Variants in GAK observed in about 807,000 individuals in gnomAD.
The protein encoded by GAK is cyclin-G-associated kinase.
Under a neutral mutation model 143.9 loss-of-function variants are expected in GAK, and 79 were observed. That is an observed-to-expected ratio of 0.55 (90% CI 0.46 to 0.66). The LOEUF (loss-of-function observed/expected upper bound fraction) is 0.66, where lower values mean the gene tolerates loss of function less well. GAK is among the 30% of genes least tolerant of loss of function. The probability of loss-of-function intolerance (pLI) is 0.00; values close to 1 mark genes in which losing one functional copy is unlikely to be tolerated. For missense variants in GAK, 1,693 were observed against 1,779.7 expected (o/e 0.95, Z 0.88); for synonymous variants, 881 against 765.5 (o/e 1.15, Z -2.49).
At chr4:857,023 C>T (rs1288976369) in intron 24 of GAK, among the ~76,000 whole-genome samples, 1 of 152,238 alleles carries the variant, frequency 6.6e-6, no homozygotes, top group African/African-American at 2.4e-5. Context: ...ACTCTTCAGC[C>T]AGTTAATATG....
chr4:874,185 GCTGT>G lies in GAK; in HGVS notation c.2054+2341_2054+2344del, dbSNP rs983641382. On this transcript the variant is annotated intron_variant, in intron 18 of 27. Transcript: ENST00000314167. ...CATGCACACGTGTGTTGGTGCTCCT[GCTGT>G]CTGTGTGTGCGCACGCGCTGGTGCT... Among the ~76,000 whole-genome samples, 26 of 152,002 alleles carry G rather than the reference GCTGT, an allele frequency of 1.7e-4. No homozygotes were observed. The South Asian group carries it at 1.9e-3, about 11-fold the overall frequency.
chr4:882,075 C>A (rs1715244585), intron 14 of GAK, 35 bp from the exon 15 acceptor site: 2 of 1,567,600 alleles, frequency 1.3e-6, no homozygotes, highest in African/African-American at 1.4e-5. Context: ...GTGCGCCTCG[C>A]ACTCATGCAG....
chr4:926,569 G>T (rs942609941), intron 1 of GAK, among the ~76,000 whole-genome samples: 42 of 152,198 alleles, frequency 2.8e-4, no homozygotes, highest in African/African-American at 9.4e-4. Flanking sequence ...TCCACATAAA[G>T]TACTACTGAC....
intron 20 of GAK, 66 bp downstream of exon 20, chr4:868,473 C>G: frequency 6.4e-7 from 1 of 1,556,920 alleles, no homozygotes; most frequent in Non-Finnish European, 8.7e-7. Context: ...CTTGCCCTGC[C>G]CCAGGGGCAC....
At position 867,851 on chromosome 4, in the gene GAK, A is replaced by G. The variant is rs549832503; in HGVS notation, c.2396-419T>C. 1.3e-3 allele frequency among the ~76,000 whole-genome samples: 203 copies of G among 152,338 alleles called. 1 individual carries two copies. In the Middle Eastern group the frequency reaches 0.027, roughly 20 times the overall value. On this transcript the variant is annotated intron_variant, in intron 20 of 27. Transcript: ENST00000314167. ...GGCGGGCGGTGGGGTGTTGTTCCTG[A>G]GGCGTCTCCAGCACACCCACCTCCA...
In GAK at chr4:884,826, T is replaced by C. The variant is rs1049578183; in HGVS notation, c.1206-740A>G. Among the ~76,000 whole-genome samples, 5 of 152,216 alleles carry C rather than the reference T, an allele frequency of 3.3e-5. No homozygotes were observed. In the South Asian group the frequency reaches 8.3e-4, roughly 25 times the overall value. On this transcript the variant is annotated intron_variant, in intron 11 of 27. Transcript: ENST00000314167. ...CGGAGGCTGCGGGGACCAGAAAGGC[T>C]GGGCTAGGAGCAACCTCAGCTAGGC...
chr4:932,005 T>TCCGCGG lies in GAK; in HGVS notation c.145+32_145+37dup, dbSNP rs1231776683. ...GCCCCCAGCGTCCCGGAGACAACAC[T>TCCGCGG]CCGCGGCCGCACCCGCGCTGCCGAC... On this transcript the variant is annotated intron_variant, in intron 1 of 27. Transcript: ENST00000314167. The surrounding 1 kb of genome is among the most constrained non-coding windows in gnomAD (Gnocchi z 4.0). 3 of 1,443,842 alleles carry TCCGCGG rather than the reference T, an allele frequency of 2.1e-6. No homozygotes were observed. Among genetic ancestry groups the TCCGCGG allele is most frequent in the East Asian group, 2.4e-5 (1 of 41,702 alleles). 89.4% of individuals were successfully genotyped at this position (1,443,842 alleles called of 1,614,324 possible). A position where few individuals can be genotyped will look rare whatever the true frequency, so the allele number is the denominator to read the frequency against.
chr4:875,951 A>C (rs1352961035), intron 18 of GAK, among the ~76,000 whole-genome samples: 1 of 152,226 alleles, frequency 6.6e-6, no homozygotes, highest in African/African-American at 2.4e-5. Flanking sequence ...AAAAAAAAAG[A>C]CAGACCTCCA....
At chr4:914,375 C>A (rs1215835237) in intron 1 of GAK, among the ~76,000 whole-genome samples, 1 of 99,988 alleles carries the variant, frequency 1.0e-5, no homozygotes, top group South Asian at 4.1e-4. Flanking sequence ...GGCCCCCACA[C>A]ACACAGCCCC....
intron 5 of GAK, among the ~76,000 whole-genome samples, chr4:902,605 A>AAAAAAAAAAAAAC (rs1180561371): frequency 0.031 from 4,069 of 130,240 alleles, 209 homozygotes; most frequent in Non-Finnish European, 0.049. Context: ...TCAAAAAAAA[A>AAAAAAAAAAAAAC]AAAAAAAAAC....
Position 912,858 on chromosome 4 carries a change from C to T in GAK, c.208-64G>A, listed in dbSNP as rs1722283424. On this transcript the variant is annotated intron_variant, in intron 2 of 27. Transcript: ENST00000314167. ...GTTTACCTTCCTACTCCACCCGATG[C>T]ATCATCTCAGACATAAGCACGCAAC... The T allele has an allele frequency of 7.0e-6, 10 of 1,430,496 alleles. No individual in the cohort carries two copies. In the South Asian group the frequency reaches 9.3e-5, roughly 13 times the overall value. 88.6% of individuals were successfully genotyped at this position (1,430,496 alleles called of 1,614,324 possible). A position where few individuals can be genotyped will look rare whatever the true frequency, so the allele number is the denominator to read the frequency against.
At chr4:877,577 G>A (rs770158191) in intron 16 of GAK, 38 bp downstream of exon 16, 1 of 1,531,490 alleles carries the variant, frequency 6.5e-7, no homozygotes, top group Non-Finnish European at 8.8e-7. Flanking sequence ...GAGGGGTGAG[G>A]AGGAGGGAGC....
At chr4:931,101 C>T (rs186717727) in intron 1 of GAK, among the ~76,000 whole-genome samples, 1 of 152,242 alleles carries the variant, frequency 6.6e-6, no homozygotes, top group Admixed American at 6.5e-5. Flanking sequence ...CCAGGCACCA[C>T]TGGACAAAAA....
intron 1 of GAK, among the ~76,000 whole-genome samples, chr4:931,190 G>C (rs780582795): frequency 1.2e-4 from 18 of 152,228 alleles, no homozygotes; most frequent in Non-Finnish European, 1.8e-4. Flanking sequence ...AGGACATCCA[G>C]GGAGCTAGAA....
At chr4:877,480 T>G in intron 16 of GAK, 135 bp downstream of exon 16, 1 of 920,284 alleles carries the variant, frequency 1.1e-6, no homozygotes, top group East Asian at 2.6e-5. Context: ...CCAAGTGACC[T>G]GCCACAGACG....
chr4:913,728 T>A, intron 1 of GAK, 60 bp from the exon 2 acceptor site: 2 of 1,334,430 alleles, frequency 1.5e-6, no homozygotes, highest in Non-Finnish European at 2.2e-6. Context: ...TATCAGGCTT[T>A]AAAAATACCT....
intron 23 of GAK, among the ~76,000 whole-genome samples, chr4:863,179 C>T (rs1011786156): frequency 6.6e-6 from 1 of 152,240 alleles, no homozygotes; most frequent in Non-Finnish European, 1.5e-5. Context: ...GAGTTGAAGA[C>T]TTCAGTGCAG....
chr4:882,171 GT>G (rs759553384), intron 14 of GAK, 131 bp from the exon 15 acceptor site: 256 of 1,012,206 alleles, frequency 2.5e-4, no homozygotes, highest in Non-Finnish European at 3.4e-4. Flanking sequence ...GCTGGGATAT[GT>G]TTAGGGAGCT....
At chr4:931,175 C>A (rs772491066) in intron 1 of GAK, among the ~76,000 whole-genome samples, 1 of 152,214 alleles carries the variant, frequency 6.6e-6, no homozygotes, top group African/African-American at 2.4e-5. Context: ...TCCGTGTGAA[C>A]GGAGAGGACA....
Sources: gnomAD v4.1 joint callset for allele counts (sites outside exome capture counted in the v4.1 genomes callset) on GRCh38, gnomAD v4.1.1 for gene constraint, Gnocchi (gnomAD v3.1) non-coding constraint, MANE v1.5 for transcripts, NCBI Gene and HGNC (gene_info 2026-07-23, HGNC 2026-07-21) for gene names.